The following MYBL1 variants were observed in gnomAD, a reference collection of about 807,000 sequenced individuals.
MYBL1 encodes the protein myb-related protein A.
A neutral mutation model predicts 96.3 loss-of-function variants in MYBL1; 17 were observed. The observed-to-expected ratio is 0.18, with a 90% confidence interval of 0.12 to 0.26. MYBL1 has a LOEUF of 0.26. MYBL1 is among the 10% of genes least tolerant of loss of function. MYBL1 has a pLI of 1.00. For synonymous variants in MYBL1, 282 were observed against 292.7 expected, an observed-to-expected ratio of 0.96 and a Z score of 0.37; for missense variants, 701 against 882.9, an observed-to-expected ratio of 0.79 and a Z score of 2.61.
At chr8:66,593,787 T>C (rs1269955231) in intron 6 of MYBL1, among the ~76,000 whole-genome samples, 1 of 152,142 alleles carries the variant, frequency 6.6e-6, no homozygotes, top group Non-Finnish European at 1.5e-5. Flanking sequence ...TCAAGATACA[T>C]ATAAATTTAG....
chr8:66,570,629 A>T (rs1279042507), intron 12 of MYBL1, among the ~76,000 whole-genome samples: 1 of 152,162 alleles, frequency 6.6e-6, no homozygotes, highest in Non-Finnish European at 1.5e-5. Flanking sequence ...CCATCCCTAA[A>T]GCCTAGTACA....
chr8:66,576,748 G>A lies in MYBL1; in HGVS notation c.1102-373C>T, dbSNP rs577042845. Reference sequence around the variant, plus strand: ...TGCATAATCATTTGGTAATGTGTATGGAACGTGTTAAAAATGGTGATATAC... The same window carrying A: ...TGCATAATCATTTGGTAATGTGTATAGAACGTGTTAAAAATGGTGATATAC... On this transcript the variant is annotated intron_variant, in intron 9 of 15. Transcript: ENST00000522677. 4.1e-4 allele frequency among the ~76,000 whole-genome samples: 62 copies of A among 152,212 alleles called. 1 individual carries two copies. In the South Asian group the frequency reaches 0.01, roughly 25 times the overall value.
intron 3 of MYBL1, among the ~76,000 whole-genome samples, chr8:66,600,358 AT>A (rs1810020125): frequency 6.6e-6 from 1 of 152,222 alleles, no homozygotes; most frequent in African/African-American, 2.4e-5. Flanking sequence ...AATTATTTTT[AT>A]TCAAACTCAG....
chr8:66,573,629 T>C, intron 10 of MYBL1, 123 bp from the exon 11 acceptor site: 3 of 851,032 alleles, frequency 3.5e-6, no homozygotes, highest in South Asian at 2.6e-5. Context: ...TGAATAATAT[T>C]ACACTTATAC....
intron 1 of MYBL1, chr8:66,612,533 G>A: frequency 2.6e-6 from 1 of 387,858 alleles, no homozygotes; most frequent in Non-Finnish European, 4.5e-6. Context: ...AACCTGCCTC[G>A]AAGAAGTGGC....
intron 8 of MYBL1, among the ~76,000 whole-genome samples, chr8:66,586,930 A>G (rs2129887360): frequency 6.6e-6 from 1 of 152,236 alleles, no homozygotes; most frequent in Middle Eastern, 3.4e-3. Flanking sequence ...AAATGAAATA[A>G]GCCAGGCAGA....
chr8:66,575,921 C>T (rs911592283), intron 10 of MYBL1, 86 bp downstream of exon 10: 4 of 1,359,544 alleles, frequency 2.9e-6, no homozygotes, highest in Non-Finnish European at 4.0e-6. Flanking sequence ...GTTATCAAAG[C>T]TACCAACTGC....
At position 66,572,500 on chromosome 8, in the gene MYBL1, A is replaced by G. The variant is rs906867417; in HGVS notation, c.1710T>C (p.Tyr570=). ...KNALAAQEKK[Y]GPLKIVSQPL... ...TACATACCACAATTTTAAGAGGTCC[A>G]TATTTTTTCTCCTGAGCAGCAAGCG... Residue 570 remains tyrosine (Y), a synonymous_variant, in exon 12 of 16, where the codon TAT becomes TAC. Transcript: ENST00000522677. The G allele has an allele frequency of 1.9e-6, 3 of 1,584,052 alleles. No homozygotes were observed. The highest frequency in any genetic ancestry group is 2.6e-6 in the Non-Finnish European group (3 of 1,157,698).
intron 2 of MYBL1, among the ~76,000 whole-genome samples, 178 bp downstream of exon 2, chr8:66,602,240 G>A (rs1015280014): frequency 2.6e-5 from 4 of 151,956 alleles, no homozygotes; most frequent in Non-Finnish European, 4.4e-5. Context: ...TAGTAGAGAC[G>A]GGGTTTCATC....
chr8:66,593,219 A>G, intron 6 of MYBL1, 25 bp from the exon 7 acceptor site: 8 of 1,354,538 alleles, frequency 5.9e-6, no homozygotes, highest in Non-Finnish European at 7.2e-6. Flanking sequence ...ATGCATTATT[A>G]TCATACATAT....
intron 12 of MYBL1, among the ~76,000 whole-genome samples, chr8:66,569,335 TTTTC>T (rs939085933): frequency 1.5e-4 from 22 of 150,830 alleles, no homozygotes; most frequent in African/African-American, 5.2e-4. Context: ...ACGTACCGCA[TTTTC>T]TTTTTTTTTT....
At chr8:66,591,806 CCTAAT>C (rs1360535073) in intron 8 of MYBL1, among the ~76,000 whole-genome samples, 2 of 151,684 alleles carry the variant, frequency 1.3e-5, no homozygotes, top group African/African-American at 4.8e-5. Flanking sequence ...AAAGCCAAAG[CCTAAT>C]CTAAACACAC....
chr8:66,581,503 C>T (rs907513050), intron 8 of MYBL1, among the ~76,000 whole-genome samples: 3 of 151,932 alleles, frequency 2.0e-5, no homozygotes, highest in African/African-American at 4.8e-5. Flanking sequence ...ATAACGAAAC[C>T]CCATCTCTAC....
At chr8:66,568,632 C>T (rs1181169039) in intron 12 of MYBL1, among the ~76,000 whole-genome samples, 1 of 152,076 alleles carries the variant, frequency 6.6e-6, no homozygotes, top group African/African-American at 2.4e-5. Flanking sequence ...TGGTATTTCA[C>T]CAAGAACATA....
At chr8:66,584,683 AC>A (rs1040092175) in intron 8 of MYBL1, among the ~76,000 whole-genome samples, 1 of 152,034 alleles carries the variant, frequency 6.6e-6, no homozygotes, top group African/African-American at 2.4e-5. Context: ...AGATAGCGAG[AC>A]CCCCATCTCT....
At chr8:66,612,740 G>A (rs1225320284) in intron 1 of MYBL1, 79 bp downstream of exon 1, 3 of 1,301,418 alleles carry the variant, frequency 2.3e-6, no homozygotes, top group Admixed American at 3.3e-5. Flanking sequence ...GCCTTATGGC[G>A]GGAGGGGGCA....
At chr8:66,601,659 A>G in intron 3 of MYBL1, 39 bp downstream of exon 3, 1 of 1,198,912 alleles carries the variant, frequency 8.3e-7, no homozygotes, top group East Asian at 2.6e-5. Context: ...AATGCCTTAA[A>G]CCAGCCATGT....
At chr8:66,580,464 C>T in intron 8 of MYBL1, 98 bp from the exon 9 acceptor site, 1 of 762,444 alleles carries the variant, frequency 1.3e-6, no homozygotes, top group Non-Finnish European at 2.1e-6. Flanking sequence ...AACATAGTAG[C>T]AAATATTTTG....
Position 66,562,402 on chromosome 8 carries a change from A to C in MYBL1, c.*2295T>G, listed in dbSNP as rs1228600474. 6.6e-6 allele frequency: 1 copy of C among 152,628 alleles called. No individual in the cohort carries two copies. Among genetic ancestry groups the C allele is most frequent in the Non-Finnish European group, 1.5e-5 (1 of 68,038 alleles). 9.5% of individuals were successfully genotyped at this position (152,628 alleles called of 1,614,324 possible). ...TCTGGCATTTGTATAACATACTGAA[A>C]GAAACTCAGAGGAACAAAACAGTAT... is the stretch of plus-strand genomic sequence containing the variant. On this transcript the variant is annotated 3_prime_UTR_variant, in exon 16 of 16. Transcript: ENST00000522677.
Sources: allele counts gnomAD v4.1 joint callset (sites outside exome capture counted in the v4.1 genomes callset), GRCh38; gene constraint gnomAD v4.1.1; transcripts MANE v1.5; gene names NCBI Gene and HGNC (gene_info 2026-07-23, HGNC 2026-07-21).